Variants in AGO2 observed in about 807,000 individuals in gnomAD.
AGO2 encodes the protein argonaute RISC catalytic component 2.
AGO2 carries 5 observed loss-of-function variants against 102.3 expected under a neutral mutation model. That is an observed-to-expected ratio of 0.05 (90% CI 0.03 to 0.10). AGO2 has a LOEUF of 0.10. AGO2 is among the 10% of genes least tolerant of loss of function. The pLI is 1.00. For missense variants in AGO2, 541 were observed against 1,183.7 expected, an observed-to-expected ratio of 0.46 and a Z score of 7.97; for synonymous variants, 449 against 473.1, an observed-to-expected ratio of 0.95 and a Z score of 0.66.
chr8:140,635,544 C>CCG lies in AGO2; in HGVS notation c.-40_-39dup, dbSNP rs938177664. On this transcript the variant is annotated 5_prime_UTR_variant, in exon 1 of 19. Coordinates refer to ENST00000220592, the MANE Select transcript of AGO2 (RefSeq NM_012154.5). ...GAGGGGCTCCGGGGCCGAGGGGCGGCCGCGCGCGCGCCACGGGCCCCGACG... is the reference window on the plus strand; with the variant it reads ...GAGGGGCTCCGGGGCCGAGGGGCGGCCGCGCGCGCGCGCCACGGGCCCCGACG... 6.7e-5 allele frequency: 66 copies of CCG among 978,630 alleles called. No individual in the cohort carries two copies. The highest frequency in any genetic ancestry group is 4.5e-4 in the Admixed American group (7 of 15,704). The allele number at this position is 978,630 out of a possible 1,614,324, so 60.6% of individuals were successfully genotyped here. A position where few individuals can be genotyped will look rare whatever the true frequency, so the allele number is the denominator to read the frequency against.
chr8:140,532,831 C>T (rs1441124332), intron 17 of AGO2: 1 of 491,274 alleles, frequency 2.0e-6, no homozygotes, highest in East Asian at 3.7e-5. Context: ...CCCATCTCTA[C>T]TAAAAATACA....
chr8:140,598,938 T>A (rs2073888998), intron 1 of AGO2, among the ~76,000 whole-genome samples: 1 of 152,172 alleles, frequency 6.6e-6, no homozygotes, highest in Non-Finnish European at 1.5e-5. Context: ...ATCTGCTCAA[T>A]GACAGAAACG....
intron 3 of AGO2, among the ~76,000 whole-genome samples, chr8:140,565,222 G>A (rs1019831745): frequency 4.6e-5 from 7 of 151,918 alleles, no homozygotes; most frequent in Admixed American, 1.3e-4. Context: ...GGGGGATCAC[G>A]AGATCAGGAG....
chr8:140,610,291 G>A (rs2133064685), intron 1 of AGO2, among the ~76,000 whole-genome samples: 1 of 152,154 alleles, frequency 6.6e-6, no homozygotes, highest in South Asian at 2.1e-4. Flanking sequence ...CACAATCTTG[G>A]CTCACTGCAA....
At chr8:140,556,131 T>C (rs2132928309) in intron 9 of AGO2, 36 bp downstream of exon 9, 1 of 1,613,334 alleles carries the variant, frequency 6.2e-7, no homozygotes, top group Non-Finnish European at 8.5e-7. Context: ...CCGGACTGGA[T>C]TCCACAGGGC....
chr8:140,576,266 A>G (rs1278596297), intron 2 of AGO2, among the ~76,000 whole-genome samples: 1 of 152,220 alleles, frequency 6.6e-6, no homozygotes, highest in Non-Finnish European at 1.5e-5. Context: ...GTGAGCCGAG[A>G]TTGTGCCACT....
chr8:140,623,967 A>G (rs1432026251), intron 1 of AGO2, among the ~76,000 whole-genome samples: 1 of 151,626 alleles, frequency 6.6e-6, no homozygotes, highest in Non-Finnish European at 1.5e-5. Flanking sequence ...GGGAACCAAG[A>G]TGATCCCGGG....
chr8:140,557,060 C>G lies in AGO2; in HGVS notation c.1026+29G>C, dbSNP rs754023811. 1.1e-5 allele frequency: 17 copies of G among 1,601,144 alleles called. No individual in the cohort carries two copies. In the Admixed American group the frequency reaches 2.4e-4, roughly 22 times the overall value. On this transcript the variant is annotated intron_variant, in intron 8 of 18. Coordinates refer to ENST00000220592, the MANE Select transcript of AGO2 (RefSeq NM_012154.5). This position sits in a 1 kb window ranked among gnomAD's most constrained non-coding sequence, Gnocchi z 5.9. ...CTGGGACGCCGCCCTCCCAAGCCCC[C>G]AGAGACACACAGGAAGAGGGTGACT...
Position 140,557,355 on chromosome 8 carries a change from C to T in AGO2, c.879-119G>A. ...TGAGGAGCAAACATTCAGAGCACTT[C>T]CGGGAGTGAAAACCATGTCATGTGC... On this transcript the variant is annotated intron_variant, in intron 7 of 18. Transcript: ENST00000220592. The surrounding 1 kb of genome is among the most constrained non-coding windows in gnomAD (Gnocchi z 5.9). The T allele has an allele frequency of 8.0e-7, 1 of 1,255,136 alleles. No individual in the cohort carries two copies. 77.7% of individuals were successfully genotyped at this position (1,255,136 alleles called of 1,614,324 possible).
intron 2 of AGO2, among the ~76,000 whole-genome samples, chr8:140,579,039 A>G (rs964723120): frequency 3.3e-5 from 5 of 152,210 alleles, no homozygotes; most frequent in African/African-American, 1.2e-4. Flanking sequence ...CCTGGGCAAC[A>G]CAGAGAGACC....
chr8:140,565,438 C>CAA (rs34129157), intron 3 of AGO2, among the ~76,000 whole-genome samples: 83 of 86,412 alleles, frequency 9.6e-4, no homozygotes, highest in Admixed American at 1.9e-3. Flanking sequence ...GACTCTGTCT[C>CAA]AAAAAAAAAA....
chr8:140,544,997 C>T (rs971499002), intron 13 of AGO2, among the ~76,000 whole-genome samples: 1 of 152,186 alleles, frequency 6.6e-6, no homozygotes, highest in Non-Finnish European at 1.5e-5. Flanking sequence ...CCGCACACCC[C>T]ACCCAGCCTT....
Position 140,635,509 on chromosome 8 carries a change from TG to T in AGO2, c.-4del. On this transcript the variant is annotated 5_prime_UTR_variant, in exon 1 of 19. Coordinates refer to ENST00000220592, the MANE Select transcript of AGO2 (RefSeq NM_012154.5). ...CCGGGGCCGGCTCCCGAGTACATGG[TG>T]GCGCCGCCGAGGGGCTCCGGGGCCG... 1 of 978,224 alleles carries T rather than the reference TG, an allele frequency of 1.0e-6. No individual in the cohort carries two copies. Among genetic ancestry groups the T allele is most frequent in the South Asian group, 4.6e-5 (1 of 21,738 alleles). 60.6% of individuals were successfully genotyped at this position (978,224 alleles called of 1,614,324 possible).
rs2072750196 is a variant in AGO2, at chr8:140,539,216, T to C, written c.2169+104A>G. The C allele has an allele frequency of 6.1e-6, 9 of 1,476,282 alleles. No individual in the cohort carries two copies. Among genetic ancestry groups the C allele is most frequent in the Admixed American group, 2.2e-5 (1 of 44,702 alleles). The allele number at this position is 1,476,282 out of a possible 1,614,324, so 91.4% of individuals were successfully genotyped here. On this transcript the variant is annotated intron_variant, in intron 16 of 18. Transcript: ENST00000220592. This position sits in a 1 kb window ranked among gnomAD's most constrained non-coding sequence, Gnocchi z 4.7. Reference sequence around the variant, plus strand: ...TAGAGGACAGAGTCACCCTAGAGCCTGGGACAGCGGCACTGTGGCCAGCAG... The same window carrying C: ...TAGAGGACAGAGTCACCCTAGAGCCCGGGACAGCGGCACTGTGGCCAGCAG...
At chr8:140,532,294 G>C in intron 18 of AGO2, 122 bp downstream of exon 18, 1 of 1,396,868 alleles carries the variant, frequency 7.2e-7, no homozygotes, top group Non-Finnish European at 9.8e-7. Context: ...CCATTAACAG[G>C]CCTTCTGGGG....
chr8:140,612,508 G>A (rs2152102185), intron 1 of AGO2, among the ~76,000 whole-genome samples: 1 of 152,232 alleles, frequency 6.6e-6, no homozygotes, highest in South Asian at 2.1e-4. Context: ...GCTCACGCCT[G>A]TAATCTCAGC....
At chr8:140,559,371 A>G (rs1373847903) in intron 6 of AGO2, 24 bp downstream of exon 6, 1 of 1,609,980 alleles carries the variant, frequency 6.2e-7, no homozygotes, top group Non-Finnish European at 8.5e-7. Context: ...GCCCTCAGCC[A>G]GGTGTGCTGG....
At chr8:140,566,546 A>G (rs1227463262) in intron 3 of AGO2, among the ~76,000 whole-genome samples, 2 of 152,142 alleles carry the variant, frequency 1.3e-5, no homozygotes, top group Admixed American at 6.5e-5. Context: ...CACATTTGGC[A>G]TAACACTGGC....
intron 11 of AGO2, among the ~76,000 whole-genome samples, chr8:140,550,089 C>G (rs1234280670): frequency 1.3e-5 from 2 of 152,314 alleles, no homozygotes; most frequent in East Asian, 3.9e-4. Context: ...CAGGAGGCGA[C>G]CCTGTGTTCA....
Sources: gnomAD v4.1 joint callset for allele counts (sites outside exome capture counted in the v4.1 genomes callset) on GRCh38, gnomAD v4.1.1 for gene constraint, Gnocchi (gnomAD v3.1) non-coding constraint, MANE v1.5 for transcripts, NCBI Gene and HGNC (gene_info 2026-07-23, HGNC 2026-07-21) for gene names.